The following ZCWPW2 variants were observed in gnomAD, a reference collection of about 807,000 sequenced individuals.
ZCWPW2 encodes the protein zinc finger CW-type PWWP domain protein 2.
A neutral mutation model predicts 46.6 loss-of-function variants in ZCWPW2; 45 were observed. The observed-to-expected ratio is 0.96, with a 90% CI of 0.76 to 1.24. The LOEUF (loss-of-function observed/expected upper bound fraction) is 1.24. Among genes scored for constraint, ZCWPW2 ranks in the 50% most tolerant of loss-of-function variants. ZCWPW2 has a pLI of 0.00. For missense variants in ZCWPW2, 429 were observed against 403.9 expected (o/e 1.06, Z -0.53); for synonymous variants, 152 against 137.1 (o/e 1.11, Z -0.76).
At chr3:28,516,144 GCAGGAGAATCACTTGAGC>G (rs1414268239) in intron 8 of ZCWPW2, among the ~76,000 whole-genome samples, 10 of 151,954 alleles carry the variant, frequency 6.6e-5, no homozygotes, top group African/African-American at 1.7e-4. Context: ...GGAGGCTGAG[GCAGGAGAATCACTTGAGC>G]CTGGGAGGCG....
intron 2 of ZCWPW2, among the ~76,000 whole-genome samples, chr3:28,405,559 T>C (rs1279259288): frequency 1.3e-5 from 2 of 152,190 alleles, no homozygotes; most frequent in Admixed American, 6.5e-5. Flanking sequence ...CACTGCAACC[T>C]CTGCCTTCCA....
chr3:28,434,442 G>C (rs1334891118), intron 3 of ZCWPW2, among the ~76,000 whole-genome samples: 1 of 152,178 alleles, frequency 6.6e-6, no homozygotes, highest in African/African-American at 2.4e-5. Context: ...TAAATTTGTA[G>C]AGGTTTATGT....
intron 1 of ZCWPW2, among the ~76,000 whole-genome samples, chr3:28,377,950 C>T (rs183468123): frequency 4.9e-4 from 75 of 152,072 alleles, no homozygotes; most frequent in African/African-American, 1.7e-3. Context: ...CAAAAGACAC[C>T]AGCCATTAAA....
At chr3:28,423,025 A>AT in intron 3 of ZCWPW2, among the ~76,000 whole-genome samples, 2 of 152,260 alleles carry the variant, frequency 1.3e-5, no homozygotes, top group Non-Finnish European at 2.9e-5. Flanking sequence ...CTGTTCAGAT[A>AT]TTTTGCGCAT....
intron 3 of ZCWPW2, among the ~76,000 whole-genome samples, chr3:28,434,060 A>T (rs1032750117): frequency 6.6e-6 from 1 of 152,142 alleles, no homozygotes; most frequent in African/African-American, 2.4e-5. Context: ...TTACTTAAAA[A>T]TTCTAATTTT....
At chr3:28,396,113 A>G (rs900140971) in intron 2 of ZCWPW2, among the ~76,000 whole-genome samples, 1 of 152,162 alleles carries the variant, frequency 6.6e-6, no homozygotes, top group Non-Finnish European at 1.5e-5. Flanking sequence ...GAAAAGCCAG[A>G]ATGGATAAAT....
At chr3:28,369,221 G>A (rs1189099811) in intron 1 of ZCWPW2, among the ~76,000 whole-genome samples, 1 of 152,172 alleles carries the variant, frequency 6.6e-6, no homozygotes, top group Non-Finnish European at 1.5e-5. Flanking sequence ...TTCCTTTGGA[G>A]GAGGAGAGGC....
In ZCWPW2 at chr3:28,412,174, G is replaced by A. The variant is rs568527389; in HGVS notation, c.-13-882G>A. Among the ~76,000 whole-genome samples the A allele has an allele frequency of 2.4e-4, 36 of 151,722 alleles. No homozygotes were observed. The South Asian group carries it at 7.3e-3, about 31-fold the overall frequency. ...ATTTTTAAGAAACAGACTTTGTATT[G>A]CAAAATAAGTTGCCAATAATTAGTT... On this transcript the variant is annotated intron_variant, in intron 2 of 9. Transcript: ENST00000383768.
chr3:28,513,366 C>T (rs1700479158), intron 6 of ZCWPW2, among the ~76,000 whole-genome samples: 1 of 152,130 alleles, frequency 6.6e-6, no homozygotes, highest in Admixed American at 6.6e-5. Flanking sequence ...TTGGATTTCT[C>T]ACTTTAATGG....
At chr3:28,396,200 C>G (rs1269028267) in intron 2 of ZCWPW2, among the ~76,000 whole-genome samples, 1 of 151,976 alleles carries the variant, frequency 6.6e-6, no homozygotes, top group African/African-American at 2.4e-5. Flanking sequence ...ACACAGAGGT[C>G]CTCTAGAGAT....
At chr3:28,455,032 T>C (rs987931240) in intron 4 of ZCWPW2, among the ~76,000 whole-genome samples, 1 of 152,226 alleles carries the variant, frequency 6.6e-6, no homozygotes, top group African/African-American at 2.4e-5. Flanking sequence ...ATGGTATTTC[T>C]GTCTCAAGAT....
chr3:28,490,314 T>C (rs898785092), intron 5 of ZCWPW2, among the ~76,000 whole-genome samples: 3 of 152,106 alleles, frequency 2.0e-5, no homozygotes, highest in African/African-American at 7.2e-5. Flanking sequence ...AATCCCATTT[T>C]TGGGATCTAT....
intron 2 of ZCWPW2, among the ~76,000 whole-genome samples, chr3:28,401,319 T>G (rs60653447): frequency 1.3e-5 from 2 of 152,144 alleles, no homozygotes; most frequent in African/African-American, 4.8e-5. Flanking sequence ...ACTTAAGAGA[T>G]AAAGAATTGC....
chr3:28,424,169 T>C (rs1433505050), intron 3 of ZCWPW2, among the ~76,000 whole-genome samples: 1 of 151,826 alleles, frequency 6.6e-6, no homozygotes, highest in Non-Finnish European at 1.5e-5. Flanking sequence ...TGTTCAACTA[T>C]TCTCCATGAA....
rs1291769145 is a variant in ZCWPW2 at position 28,387,537 on chromosome 3, TAGAA to T, written c.-133-2957_-133-2954del. ...AGTTACAGAAAAGCTGCAAAAATAG[TAGAA>T]AGACTTCTCAGTTACTCTACATCCA... On this transcript the variant is annotated intron_variant, in intron 1 of 9. Transcript: ENST00000383768. 2.6e-5 allele frequency among the ~76,000 whole-genome samples: 4 copies of T among 152,210 alleles called. 1 individual carries two copies.
chr3:28,434,966 A>C, intron 3 of ZCWPW2, 144 bp from the exon 4 acceptor site: 1 of 840,836 alleles, frequency 1.2e-6, no homozygotes, highest in South Asian at 2.0e-5. Context: ...CAAATATCCT[A>C]CCTTTGAAAG....
intron 5 of ZCWPW2, among the ~76,000 whole-genome samples, chr3:28,485,944 T>TAG (rs1575193367): frequency 6.6e-6 from 1 of 152,096 alleles, no homozygotes; most frequent in East Asian, 1.9e-4. Context: ...ACATATCAAT[T>TAG]ATCAATTATA....
chr3:28,351,713 CA>C (rs1303658957), intron 1 of ZCWPW2: 1 of 150,206 alleles, frequency 6.7e-6, no homozygotes, highest in East Asian at 1.9e-4. Context: ...CATATTACCT[CA>C]GGGGTCATAT....
intron 6 of ZCWPW2, among the ~76,000 whole-genome samples, chr3:28,494,943 G>A (rs1699936780): frequency 6.6e-6 from 1 of 150,914 alleles, no homozygotes; most frequent in South Asian, 2.1e-4. Flanking sequence ...ACAAACAAAT[G>A]GAAGAACATT....
Sources: gnomAD v4.1 joint callset for allele counts (sites outside exome capture counted in the v4.1 genomes callset) on GRCh38, gnomAD v4.1.1 for gene constraint, MANE v1.5 for transcripts, NCBI Gene and HGNC (gene_info 2026-07-23, HGNC 2026-07-21) for gene names.